Variants in SCHIP1 observed in about 807,000 individuals in gnomAD.
SCHIP1 encodes the protein schwannomin interacting protein 1, also known as schwannomin-interacting protein 1.
In SCHIP1, 8 loss-of-function variants were observed where a neutral mutation model predicts 29.7. That is an observed-to-expected ratio of 0.27 (90% CI 0.16 to 0.49). SCHIP1 has a LOEUF of 0.49. Among genes scored for constraint, SCHIP1 ranks in the 20% least tolerant of loss-of-function variants. The pLI, the probability that SCHIP1 is intolerant of heterozygous loss-of-function variation, is 0.99. For missense variants in SCHIP1, 193 were observed against 294.6 expected (o/e 0.66, Z 2.52); for synonymous variants, 76 against 94.9 (o/e 0.80, Z 1.16).
chr3:159,716,849 G>A, the SCHIP1 span, among the ~76,000 whole-genome samples: 1 of 152,056 alleles, frequency 6.6e-6, no homozygotes, highest in East Asian at 1.9e-4. Flanking sequence ...AAGTTAAAAA[G>A]GATATCCAGG....
At chr3:159,779,086 C>T in the SCHIP1 span, among the ~76,000 whole-genome samples, 5 of 152,134 alleles carry the variant, frequency 3.3e-5, no homozygotes, top group South Asian at 1.0e-3. Context: ...ATTGTGAAGG[C>T]TCTATGAATG....
chr3:159,415,120 G>T, the SCHIP1 span, among the ~76,000 whole-genome samples: 1 of 152,180 alleles, frequency 6.6e-6, no homozygotes, highest in Admixed American at 6.5e-5. Context: ...GGAAACAGCT[G>T]ATTTGGCACC....
At chr3:159,485,439 T>C in the SCHIP1 span, among the ~76,000 whole-genome samples, 1 of 152,202 alleles carries the variant, frequency 6.6e-6, no homozygotes, top group Non-Finnish European at 1.5e-5. Context: ...GGCAACATTT[T>C]GGTGGAGTAG....
the SCHIP1 span, among the ~76,000 whole-genome samples, chr3:159,602,820 A>G: frequency 6.6e-6 from 1 of 152,170 alleles, no homozygotes; most frequent in Non-Finnish European, 1.5e-5. Context: ...TCACTCAACA[A>G]TCAACACAGA....
the SCHIP1 span, among the ~76,000 whole-genome samples, chr3:159,713,228 GAAAGGA>G: frequency 3.5e-3 from 390 of 112,252 alleles, 1 homozygote; most frequent in East Asian, 0.017. Context: ...GAGAGAGAAA[GAAAGGA>G]AGAAAGAAAG....
chr3:159,884,710 A>G (rs1272095681), intron 2 of SCHIP1, among the ~76,000 whole-genome samples: 1 of 152,104 alleles, frequency 6.6e-6, no homozygotes, highest in African/African-American at 2.4e-5. Context: ...CTACTATTCA[A>G]CCCATTTTAT....
At chr3:159,323,786 A>G in the SCHIP1 span, among the ~76,000 whole-genome samples, 6 of 152,234 alleles carry the variant, frequency 3.9e-5, no homozygotes, top group Non-Finnish European at 8.8e-5. Flanking sequence ...TCTTTAAACT[A>G]GAAAAAAGTG....
the SCHIP1 span, among the ~76,000 whole-genome samples, chr3:159,370,589 A>ATCTT: frequency 1.3e-5 from 2 of 152,184 alleles, no homozygotes; most frequent in South Asian, 2.1e-4. Flanking sequence ...AAGCATTTGA[A>ATCTT]TCTTTCTGAG....
At chr3:159,531,953 G>T in the SCHIP1 span, among the ~76,000 whole-genome samples, 1 of 152,118 alleles carries the variant, frequency 6.6e-6, no homozygotes, top group Non-Finnish European at 1.5e-5. Flanking sequence ...GCAGTAAACT[G>T]GGTCAATCTG....
chr3:159,535,277 C>A, the SCHIP1 span, among the ~76,000 whole-genome samples: 2 of 152,134 alleles, frequency 1.3e-5, no homozygotes, highest in African/African-American at 4.8e-5. Context: ...TCATTTTCTC[C>A]ACTCATTCAC....
chr3:159,509,643 G>C, the SCHIP1 span, among the ~76,000 whole-genome samples: 2 of 152,170 alleles, frequency 1.3e-5, no homozygotes, highest in Admixed American at 6.5e-5. Context: ...TCCTTCAGGA[G>C]CTCTTTTAGG....
chr3:159,777,630 A>C, the SCHIP1 span, among the ~76,000 whole-genome samples: 1 of 152,188 alleles, frequency 6.6e-6, no homozygotes, highest in East Asian at 1.9e-4. Context: ...TAAAAAGGGA[A>C]GAACTCCTTA....
the SCHIP1 span, among the ~76,000 whole-genome samples, chr3:159,507,285 T>A: frequency 6.6e-6 from 1 of 152,160 alleles, no homozygotes; most frequent in African/African-American, 2.4e-5. Flanking sequence ...TATTGGTGTA[T>A]AAGAATGCTT....
At chr3:159,764,350 G>A in the SCHIP1 span, 1 of 1,424,014 alleles carries the variant, frequency 7.0e-7, no homozygotes, top group Non-Finnish European at 9.3e-7. This position sits in a 1 kb window ranked among gnomAD's most constrained non-coding sequence, Gnocchi z 6.1. Context: ...GCGGGCGCAG[G>A]GTGCGGGGCA....
chr3:159,379,993 G>C, the SCHIP1 span, among the ~76,000 whole-genome samples: 1 of 152,304 alleles, frequency 6.6e-6, no homozygotes, highest in Admixed American at 6.5e-5. Context: ...TTGCATTGCA[G>C]AGCCCTAGTT....
At chr3:159,723,942 G>C in the SCHIP1 span, among the ~76,000 whole-genome samples, 44 of 152,280 alleles carry the variant, frequency 2.9e-4, 1 homozygote, top group South Asian at 8.9e-3. Context: ...ATAATTCTTA[G>C]AATTGGGATT....
the SCHIP1 span, among the ~76,000 whole-genome samples, chr3:159,424,836 G>T: frequency 3.9e-5 from 6 of 152,278 alleles, no homozygotes; most frequent in East Asian, 5.8e-4. Flanking sequence ...GACTAACAGC[G>T]GATCTCTCGG....
At chr3:159,471,445 A>G in the SCHIP1 span, among the ~76,000 whole-genome samples, 3 of 152,134 alleles carry the variant, frequency 2.0e-5, no homozygotes, top group African/African-American at 7.2e-5. Flanking sequence ...CTCACACCAT[A>G]AAATAAAATA....
At chr3:159,549,400 G>C in the SCHIP1 span, among the ~76,000 whole-genome samples, 46 of 152,106 alleles carry the variant, frequency 3.0e-4, 1 homozygote, top group African/African-American at 1.1e-3. Context: ...TAACCTCCTC[G>C]TGTGGCTTTA....
Sources: gnomAD v4.1 joint callset for allele counts (sites outside exome capture counted in the v4.1 genomes callset) on GRCh38, gnomAD v4.1.1 for gene constraint, Gnocchi (gnomAD v3.1) non-coding constraint, MANE v1.5 for transcripts, NCBI Gene and HGNC (gene_info 2026-07-23, HGNC 2026-07-21) for gene names.